The following PIGN variants were observed in gnomAD, a reference collection of about 807,000 sequenced individuals.
PIGN encodes the protein GPI ethanolamine phosphate transferase 1.
PIGN carries 117 observed loss-of-function variants against 125.4 expected under a neutral mutation model. That is an observed-to-expected ratio of 0.93 (90% CI 0.80 to 1.09). The LOEUF is 1.09. PIGN is among the 50% of genes least tolerant of loss of function. The pLI is 0.00. For synonymous variants in PIGN, 392 were observed against 377.8 expected, an observed-to-expected ratio of 1.04 and a Z score of -0.44; for missense variants, 1,075 against 1,094.9, an observed-to-expected ratio of 0.98 and a Z score of 0.26.
Position 62,161,226 on chromosome 18 carries a change from G to C in PIGN, c.128C>G (p.Ala43Gly). Residue 43 changes from alanine to glycine, a missense_variant, in exon 4 of 31, where the codon GCG becomes GGG. Ala to Gly is a moderately conservative substitution (Grantham distance 60). Coordinates refer to ENST00000640252, the MANE Select transcript of PIGN (RefSeq NM_176787.5). ...TPQFTPLPPP[A>G]RRLVLFVADG... is the part of the protein sequence containing the mutation. ...AGCAACAAACAACACTAATCTTCTC[G>C]CTGGAGGAGGCAATGGTGTAAACTG... 1.9e-6 allele frequency: 3 copies of C among 1,613,604 alleles called. No individual in the cohort carries two copies. The highest frequency in any genetic ancestry group is 2.5e-6 in the Non-Finnish European group (3 of 1,179,654).
intron 4 of PIGN, among the ~76,000 whole-genome samples, chr18:62,159,528 T>C (rs1013521167): frequency 1.3e-5 from 2 of 152,220 alleles, no homozygotes; most frequent in Admixed American, 6.5e-5. Context: ...TTCTAGAAAT[T>C]TGTTACAGAT....
intron 16 of PIGN, 33 bp from the exon 17 acceptor site, chr18:62,110,006 C>T (rs756489704): frequency 5.6e-6 from 9 of 1,607,022 alleles, no homozygotes; most frequent in Non-Finnish European, 7.7e-6. Flanking sequence ...GAAACACTTC[C>T]AAACCAATGG....
rs117494379 is a variant in PIGN, at chr18:62,024,457, A to G, written c.2143-6716T>C. The stretch of plus-strand genomic sequence containing the variant: ...CCACATCTCACTTGGCTGCTCTGGG[A>G]TATCTGATATCATTTATACAATCTT... On this transcript the variant is annotated intron_variant, in intron 23 of 24. Coordinates refer to the PIGN transcript ENST00000639600. 9.1e-3 allele frequency among the ~76,000 whole-genome samples: 1,384 copies of G among 152,180 alleles called. 10 individuals carry two copies. The highest frequency in any genetic ancestry group is 0.014 in the Non-Finnish European group (982 of 68,008).
intron 10 of PIGN, among the ~76,000 whole-genome samples, chr18:62,145,018 G>C (rs989301728): frequency 4.5e-5 from 6 of 133,470 alleles, no homozygotes; most frequent in East Asian, 4.6e-4. Context: ...CGGGGGGGGG[G>C]GGGCAGGGTG....
At chr18:62,066,141 A>G (rs1006455816) in intron 30 of PIGN, among the ~76,000 whole-genome samples, 2 of 152,212 alleles carry the variant, frequency 1.3e-5, no homozygotes, top group Non-Finnish European at 2.9e-5. Flanking sequence ...TTAATTACCA[A>G]TGTGACATTT....
intron 30 of PIGN, among the ~76,000 whole-genome samples, chr18:62,061,697 C>T (rs1022822982): frequency 2.6e-5 from 4 of 152,086 alleles, no homozygotes; most frequent in Admixed American, 6.5e-5. Context: ...CCAATAACCC[C>T]GGCACCTGTG....
At chr18:62,085,174 A>T in intron 26 of PIGN, 35 bp downstream of exon 26, 1 of 1,155,860 alleles carries the variant, frequency 8.7e-7, no homozygotes, top group Non-Finnish European at 1.2e-6. Flanking sequence ...ATTATTTTTT[A>T]GTTATATATA....
intron 23 of PIGN, among the ~76,000 whole-genome samples, chr18:62,031,017 C>T (rs796369031): frequency 6.6e-5 from 10 of 152,204 alleles, no homozygotes; most frequent in African/African-American, 2.4e-4. Context: ...AAAGTGTACA[C>T]ATATTGGTAT....
At chr18:62,162,379 A>T (rs1223822746) in intron 2 of PIGN, 50 bp from the exon 3 acceptor site, 1 of 152,110 alleles carries the variant, frequency 6.6e-6, no homozygotes, top group Non-Finnish European at 1.5e-5. Context: ...CTTAGTTGTA[A>T]TGTAACGGCA....
chr18:62,029,001 G>C lies in PIGN; in HGVS notation c.2143-11260C>G, dbSNP rs762480260. Among the ~76,000 whole-genome samples, 5 of 152,352 alleles carry C rather than the reference G, an allele frequency of 3.3e-5. No homozygotes were observed. In the East Asian group the frequency reaches 9.6e-4, roughly 29 times the overall value. ...TCCCCAGAGTCAAAGGCCATGGAGA[G>C]TTCTAGCACAAAACAGACAGGGACA... is the stretch of plus-strand genomic sequence containing the variant. On this transcript the variant is annotated intron_variant, in intron 23 of 24. Transcript: ENST00000639600.
At chr18:62,142,784 T>C (rs2036184408) in intron 11 of PIGN, among the ~76,000 whole-genome samples, 1 of 152,230 alleles carries the variant, frequency 6.6e-6, no homozygotes, top group Non-Finnish European at 1.5e-5. Context: ...CAGACAATGC[T>C]ACTGATCTAA....
intron 1 of PIGN, among the ~76,000 whole-genome samples, chr18:62,168,064 C>CGTGTCTGT (rs2147771654): frequency 2.0e-5 from 1 of 48,926 alleles, no homozygotes; most frequent in East Asian, 2.1e-3. Context: ...CGTGGTGGCG[C>CGTGTCTGT]ACCCAACCAC....
intron 30 of PIGN, among the ~76,000 whole-genome samples, chr18:62,061,264 T>A (rs73448686): frequency 0.012 from 1,788 of 152,106 alleles, 17 homozygotes; most frequent in Middle Eastern, 0.061. Flanking sequence ...TAATAACAGG[T>A]GACAAATCTC....
At position 62,146,977 on chromosome 18, in the gene PIGN, C is replaced by G. The variant is rs2036354281; in HGVS notation, c.799G>C (p.Asp267His). Residue 267 changes from aspartate to histidine, a missense_variant, in exon 9 of 31, where the codon GAC (aspartate) becomes CAC (histidine). This residue lies in a region of PIGN where 915 missense variants were observed against 908.7 expected (regional missense o/e 1.01). Coordinates refer to ENST00000640252, the MANE Select transcript of PIGN (RefSeq NM_176787.5). ...CAATTAAAGACACACTAACCCCAGT[C>G]TGTCATTCCATGGTCAGAGGTAAAG... ...FIFTSDHGMT[D>H]WGSHGAGHPS... The G allele has an allele frequency of 6.2e-7, 1 of 1,611,596 alleles. No homozygotes were observed. The highest frequency in any genetic ancestry group is 1.1e-5 in the South Asian group (1 of 90,994).
At chr18:62,046,004 C>A in intron 30 of PIGN, 25 bp from the exon 31 acceptor site, 1 of 1,605,634 alleles carries the variant, frequency 6.2e-7, no homozygotes, top group Non-Finnish European at 8.5e-7. Flanking sequence ...AAAGATGTTA[C>A]AGGCAGAGAG....
intron 23 of PIGN, among the ~76,000 whole-genome samples, chr18:62,027,989 A>T (rs1391977383): frequency 6.6e-6 from 1 of 152,176 alleles, no homozygotes; most frequent in Non-Finnish European, 1.5e-5. Context: ...TTCTATGTAA[A>T]TGTGCCTTTT....
rs2146608826 is a variant in PIGN, at chr18:62,114,544, A to C, written c.1251+17T>G. ...ATGATAATCAGCTATTTATGTCTAT[A>C]AGGCCGGTATACTTACCACTTCATC... On this transcript the variant is annotated intron_variant, in intron 15 of 30. Transcript: ENST00000640252. 4 of 1,425,288 alleles carry C rather than the reference A, an allele frequency of 2.8e-6. No homozygotes were observed. Among genetic ancestry groups the C allele is most frequent in the Non-Finnish European group, 3.9e-6 (4 of 1,031,584 alleles). The allele number at this position is 1,425,288 out of a possible 1,614,324, so 88.3% of individuals were successfully genotyped here.
chr18:62,033,937 T>C (rs1303432330), intron 23 of PIGN, among the ~76,000 whole-genome samples: 1 of 152,204 alleles, frequency 6.6e-6, no homozygotes, highest in Non-Finnish European at 1.5e-5. Flanking sequence ...TATCACAGTA[T>C]TACAGATGAA....
At chr18:62,143,105 T>C (rs1357292553) in intron 11 of PIGN, among the ~76,000 whole-genome samples, 1 of 152,342 alleles carries the variant, frequency 6.6e-6, no homozygotes, top group East Asian at 1.9e-4. Context: ...GTCTTTTATT[T>C]TCACTTCAAG....
Sources: allele counts gnomAD v4.1 joint callset (sites outside exome capture counted in the v4.1 genomes callset), GRCh38; gene constraint gnomAD v4.1.1; regional missense constraint gnomAD v4.1.1; transcripts MANE v1.5; gene names NCBI Gene and HGNC (gene_info 2026-07-23, HGNC 2026-07-21).